The following FSIP1 variants were observed in gnomAD, a reference collection of about 807,000 sequenced individuals.
FSIP1 encodes the protein fibrous sheath interacting protein 1, also known as fibrous sheath-interacting protein 1.
A neutral mutation model predicts 60.9 loss-of-function variants in FSIP1; 65 were observed. The ratio of observed to expected loss-of-function variants is 1.07; its 90% CI spans 0.87 to 1.31. The LOEUF (loss-of-function observed/expected upper bound fraction) is 1.31, where lower values mean the gene tolerates loss of function less well. Among genes scored for constraint, FSIP1 ranks in the 40% most tolerant of loss-of-function variants. FSIP1 has a pLI of 0.00. For synonymous variants in FSIP1, 209 were observed against 221.2 expected (o/e 0.94, Z 0.49); for missense variants, 675 against 665.5 (o/e 1.01, Z -0.16).
intron 9 of FSIP1, among the ~76,000 whole-genome samples, chr15:39,724,636 G>A (rs1475648149): frequency 6.6e-6 from 1 of 152,096 alleles, no homozygotes; most frequent in East Asian, 1.9e-4. Flanking sequence ...AGGAAATAAA[G>A]GTCACCAGGT....
intron 10 of FSIP1, among the ~76,000 whole-genome samples, chr15:39,666,564 A>C (rs1218944898): frequency 2.0e-5 from 3 of 152,202 alleles, no homozygotes; most frequent in African/African-American, 7.2e-5. Flanking sequence ...TCAAAATAAA[A>C]CAGAATGACA....
intron 1 of FSIP1, among the ~76,000 whole-genome samples, chr15:39,781,023 T>C (rs772475103): frequency 1.3e-5 from 2 of 152,142 alleles, no homozygotes; most frequent in Non-Finnish European, 2.9e-5. Flanking sequence ...CTTGTAGTCT[T>C]CAAAAGATGT....
At chr15:39,675,555 T>C (rs558060695) in intron 10 of FSIP1, among the ~76,000 whole-genome samples, 14 of 152,312 alleles carry the variant, frequency 9.2e-5, no homozygotes, top group African/African-American at 3.4e-4. Flanking sequence ...AGATAGATCT[T>C]GGCAGCATAA....
chr15:39,621,159 G>A (rs1334593890), intron 10 of FSIP1, among the ~76,000 whole-genome samples: 1 of 151,922 alleles, frequency 6.6e-6, no homozygotes, highest in Non-Finnish European at 1.5e-5. Flanking sequence ...AATTACTGGG[G>A]TCTTGGGGAG....
chr15:39,774,163 T>A (rs1420406110), intron 2 of FSIP1, among the ~76,000 whole-genome samples: 1 of 152,116 alleles, frequency 6.6e-6, no homozygotes, highest in African/African-American at 2.4e-5. Flanking sequence ...CCCAACCGGA[T>A]TTTTCAGAAC....
chr15:39,672,083 T>A (rs1047307910), intron 10 of FSIP1, among the ~76,000 whole-genome samples: 1 of 152,152 alleles, frequency 6.6e-6, no homozygotes. Context: ...GTTATGACTG[T>A]GGGTTTTGGA....
intron 10 of FSIP1, among the ~76,000 whole-genome samples, chr15:39,622,601 T>G (rs371878475): frequency 6.6e-6 from 1 of 152,236 alleles, no homozygotes; most frequent in East Asian, 1.9e-4. Context: ...CATGTATTGA[T>G]TCCTTTAATT....
intron 8 of FSIP1, among the ~76,000 whole-genome samples, chr15:39,736,590 C>T (rs1340067386): frequency 1.3e-5 from 2 of 152,210 alleles, no homozygotes; most frequent in Admixed American, 6.5e-5. Flanking sequence ...GTGTTACCTC[C>T]CACTGGACGG....
chr15:39,747,053 T>A (rs944783872), intron 5 of FSIP1, among the ~76,000 whole-genome samples: 4 of 114,216 alleles, frequency 3.5e-5, no homozygotes, highest in Admixed American at 1.2e-4. Flanking sequence ...CCATTCTTCC[T>A]TTCTTCCTTC....
intron 10 of FSIP1, among the ~76,000 whole-genome samples, chr15:39,685,181 G>A (rs561400142): frequency 7.2e-5 from 11 of 152,280 alleles, no homozygotes; most frequent in African/African-American, 2.2e-4. Flanking sequence ...TTTAGTTAAA[G>A]TTTGTGTTGT....
At chr15:39,695,841 G>A (rs1894792740) in intron 10 of FSIP1, among the ~76,000 whole-genome samples, 1 of 152,200 alleles carries the variant, frequency 6.6e-6, no homozygotes, top group Non-Finnish European at 1.5e-5. Flanking sequence ...ATTAAAAGTA[G>A]ACTCACTCAA....
At chr15:39,601,939 G>T (rs1043558678) in intron 11 of FSIP1, among the ~76,000 whole-genome samples, 1 of 151,990 alleles carries the variant, frequency 6.6e-6, no homozygotes, top group Non-Finnish European at 1.5e-5. Flanking sequence ...CGTTGTCGGG[G>T]GTGGAAAAAA....
At chr15:39,688,440 T>C (rs560061058) in intron 10 of FSIP1, among the ~76,000 whole-genome samples, 2 of 152,346 alleles carry the variant, frequency 1.3e-5, no homozygotes, top group African/African-American at 4.8e-5. Flanking sequence ...ATATCTCATG[T>C]AATTTCTTGA....
At chr15:39,606,049 C>T (rs1207693921) in intron 11 of FSIP1, among the ~76,000 whole-genome samples, 1 of 152,250 alleles carries the variant, frequency 6.6e-6, no homozygotes. Context: ...CCTCCCTCTG[C>T]TAATCTAGGT....
At chr15:39,677,874 T>C (rs1894004300) in intron 10 of FSIP1, among the ~76,000 whole-genome samples, 1 of 151,976 alleles carries the variant, frequency 6.6e-6, no homozygotes, top group Non-Finnish European at 1.5e-5. Context: ...TGTATGCCTG[T>C]AGTCCCAGTT....
chr15:39,668,973 G>C (rs1191136718), intron 10 of FSIP1, among the ~76,000 whole-genome samples: 1 of 152,182 alleles, frequency 6.6e-6, no homozygotes, highest in Non-Finnish European at 1.5e-5. Flanking sequence ...GTCAGATGAA[G>C]ATAATGATAT....
chr15:39,757,326 G>A (rs1296305346), intron 5 of FSIP1, among the ~76,000 whole-genome samples: 1 of 152,064 alleles, frequency 6.6e-6, no homozygotes, highest in Non-Finnish European at 1.5e-5. Flanking sequence ...ACCACCTTAT[G>A]ATAGTGCTTA....
intron 10 of FSIP1, among the ~76,000 whole-genome samples, chr15:39,698,851 GT>G (rs1189273836): frequency 6.6e-6 from 1 of 152,216 alleles, no homozygotes; most frequent in Non-Finnish European, 1.5e-5. Context: ...GTGGCCTACT[GT>G]ATCAGTTAGG....
intron 10 of FSIP1, among the ~76,000 whole-genome samples, chr15:39,656,042 T>G (rs2411310): frequency 0.56 from 84,750 of 151,950 alleles, 25,734 homozygotes; most frequent in Non-Finnish European, 0.7. Context: ...TTCAAAGGGC[T>G]CTGAATGCCA....
Sources: gnomAD v4.1 joint callset for allele counts (sites outside exome capture counted in the v4.1 genomes callset) on GRCh38, gnomAD v4.1.1 for gene constraint, MANE v1.5 for transcripts, NCBI Gene and HGNC (gene_info 2026-07-23, HGNC 2026-07-21) for gene names.